KTN1: variants seen among roughly 807,000 people sequenced by gnomAD.
KTN1 encodes kinectin 1, also known as kinectin.
In KTN1, 130 loss-of-function variants were observed where a neutral mutation model predicts 222.5. The ratio of observed to expected loss-of-function variants is 0.58; its 90% CI spans 0.51 to 0.68. KTN1 has a LOEUF of 0.68. Ranked by LOEUF, KTN1 falls within the 30% of genes least tolerant of loss-of-function variation. The pLI, the probability that KTN1 is intolerant of heterozygous loss-of-function variation, is 0.00. For synonymous variants in KTN1, 512 were observed against 496.3 expected (o/e 1.03, Z -0.42); for missense variants, 1,508 against 1,500.4 (o/e 1.01, Z -0.08).
At chr14:55,587,149 T>A (rs1178919330) in intron 1 of KTN1, among the ~76,000 whole-genome samples, 1 of 152,162 alleles carries the variant, frequency 6.6e-6, no homozygotes, top group African/African-American at 2.4e-5. Context: ...ACCTAGCTAG[T>A]GCTCAATTTG....
rs1224322296 is a variant in KTN1, at chr14:55,637,843, C to T, written c.1781C>T (p.Ala594Val). The change falls in exon 12 of 44, where the codon GCC becomes GTC. Residue 594 changes from alanine to valine, a missense_variant. Physicochemically the swap from Ala to Val is moderately conservative, Grantham distance 64 (BLOSUM62 0). Transcript: ENST00000395314. ...QIQQFHSQIA[A>V]QTSASVLAEE... Reference sequence around the variant, plus strand: ...CAGCAGTTCCATTCCCAGATAGCAGCCCAGGTAATGATGCTTTCTTATTGC... The same window carrying T: ...CAGCAGTTCCATTCCCAGATAGCAGTCCAGGTAATGATGCTTTCTTATTGC... 1 of 1,608,990 alleles carries T rather than the reference C, an allele frequency of 6.2e-7. No homozygotes were observed.
intron 1 of KTN1, among the ~76,000 whole-genome samples, chr14:55,599,267 T>C (rs545835360): frequency 3.3e-5 from 5 of 152,330 alleles, no homozygotes; most frequent in Middle Eastern, 3.4e-3. Flanking sequence ...CATTCTGTTA[T>C]CAGTTTTTTG....
chr14:55,590,368 A>G (rs1418402025), intron 1 of KTN1, among the ~76,000 whole-genome samples: 1 of 152,224 alleles, frequency 6.6e-6, no homozygotes, highest in Non-Finnish European at 1.5e-5. Context: ...CCTTTCTCTC[A>G]GCTTTAAATT....
Position 55,601,659 on chromosome 14 carries a change from A to G in KTN1, c.-30-10360A>G, listed in dbSNP as rs551958110. 3 of 152,320 alleles carry G rather than the reference A, an allele frequency of 2.0e-5. No individual in the cohort carries two copies. The South Asian group carries it at 6.2e-4, about 32-fold the overall frequency. 9.4% of individuals were successfully genotyped at this position (152,320 alleles called of 1,614,324 possible). A position where few individuals can be genotyped will look rare whatever the true frequency, so the allele number is the denominator to read the frequency against. ...TTTATTTTTAAAAATTCTTACTGCA[A>G]ATGGAATATACTTACAAACATTTAA... On this transcript the variant is annotated intron_variant, in intron 1 of 43. Transcript: ENST00000395314.
At chr14:55,598,911 G>A (rs1447432588) in intron 1 of KTN1, among the ~76,000 whole-genome samples, 1 of 152,130 alleles carries the variant, frequency 6.6e-6, no homozygotes, top group Non-Finnish European at 1.5e-5. Flanking sequence ...CAGCCACTGT[G>A]TTTCTTTGTT....
chr14:55,672,864 C>T, intron 38 of KTN1, 65 bp from the exon 39 acceptor site: 2 of 1,329,510 alleles, frequency 1.5e-6, no homozygotes, highest in Admixed American at 3.4e-5. Context: ...ATAATTTTGT[C>T]TTGTGGGGAA....
At chr14:55,655,801 T>C (rs1203248463) in intron 28 of KTN1, among the ~76,000 whole-genome samples, 1 of 152,250 alleles carries the variant, frequency 6.6e-6, no homozygotes, top group Non-Finnish European at 1.5e-5. Context: ...GTTTTGTTCT[T>C]AGTTTTTGTT....
chr14:55,580,236 G>T lies in KTN1; in HGVS notation c.-149G>T, dbSNP rs1276955637. ...CCGCCCGTTTCCTGCCGAGCGGCGCGACGGCACCTGAGCGACTGCGGCGGC... is the reference window on the plus strand; with the variant it reads ...CCGCCCGTTTCCTGCCGAGCGGCGCTACGGCACCTGAGCGACTGCGGCGGC... On this transcript the variant is annotated 5_prime_UTR_variant, in exon 1 of 44. Transcript: ENST00000395314. 2 of 150,332 alleles carry T rather than the reference G, an allele frequency of 1.3e-5. No homozygotes were observed. Among genetic ancestry groups the T allele is most frequent in the South Asian group, 3.8e-4 (2 of 5,282 alleles). 9.3% of individuals were successfully genotyped at this position (150,332 alleles called of 1,614,324 possible).
chr14:55,600,091 T>C (rs1206350026), intron 1 of KTN1, among the ~76,000 whole-genome samples: 1 of 150,634 alleles, frequency 6.6e-6, no homozygotes, highest in African/African-American at 2.4e-5. Flanking sequence ...ATGTTCAGTT[T>C]GTGAGATGTT....
At chr14:55,609,501 A>G (rs1185691951) in intron 1 of KTN1, among the ~76,000 whole-genome samples, 1 of 152,158 alleles carries the variant, frequency 6.6e-6, no homozygotes, top group African/African-American at 2.4e-5. Flanking sequence ...TGATTCCTTC[A>G]CGCCTATATA....
At chr14:55,590,998 A>G (rs970787628) in intron 1 of KTN1, among the ~76,000 whole-genome samples, 2 of 152,140 alleles carry the variant, frequency 1.3e-5, no homozygotes, top group African/African-American at 4.8e-5. Flanking sequence ...ACCATGTTGT[A>G]TGTAGCTCTA....
chr14:55,655,040 G>C (rs926640467), intron 28 of KTN1, among the ~76,000 whole-genome samples: 3 of 152,026 alleles, frequency 2.0e-5, no homozygotes, highest in Non-Finnish European at 2.9e-5. Flanking sequence ...AGTACATGGA[G>C]TGCAGGGCTG....
chr14:55,679,586 ATGTC>A lies in KTN1; in HGVS notation c.3974_3977del (p.Ser1325Ter). ...TTAGGAGTCTTCTGAGAAGGAGACA[ATGTC>A]TGTAAGTCTAAATCAGACTGTAACA... On this transcript the variant is annotated frameshift_variant, in exon 43 of 44. Transcript: ENST00000395314. LOFTEE classifies it high-confidence loss of function. 1 of 1,611,286 alleles carries A rather than the reference ATGTC, an allele frequency of 6.2e-7. No individual in the cohort carries two copies. Among genetic ancestry groups the A allele is most frequent in the Non-Finnish European group, 8.5e-7 (1 of 1,177,738 alleles).
At chr14:55,614,085 C>T (rs990701359) in intron 2 of KTN1, among the ~76,000 whole-genome samples, 3 of 152,120 alleles carry the variant, frequency 2.0e-5, no homozygotes, top group East Asian at 1.9e-4. Flanking sequence ...AGCCATACAA[C>T]GTGAGGTATA....
chr14:55,592,707 T>C (rs1292617904), intron 1 of KTN1, among the ~76,000 whole-genome samples: 1 of 152,234 alleles, frequency 6.6e-6, no homozygotes, highest in Admixed American at 6.5e-5. Flanking sequence ...TTTGTAAATA[T>C]TTCACAGTGA....
chr14:55,652,073 A>C (rs2042978041), intron 25 of KTN1, 146 bp downstream of exon 25: 1 of 580,324 alleles, frequency 1.7e-6, no homozygotes, highest in African/African-American at 1.9e-5. Context: ...AAGGGCCCTA[A>C]GTTTCTTATT....
intron 43 of KTN1, chr14:55,682,567 A>G (rs1041135162): frequency 1.3e-5 from 2 of 152,190 alleles, no homozygotes; most frequent in African/African-American, 4.8e-5. Flanking sequence ...CTTCATGAGT[A>G]TGCCTGTTAG....
At position 55,653,072 on chromosome 14, in the gene KTN1, A is replaced by T. The variant is rs1266384221; in HGVS notation, c.2750A>T (p.His917Leu). The T allele has an allele frequency of 1.3e-6, 2 of 1,592,978 alleles. No homozygotes were observed. Among genetic ancestry groups the T allele is most frequent in the East Asian group, 4.5e-5 (2 of 44,648 alleles). Reference sequence around the variant, plus strand: ...GCACATGTTCAGGAAGTAGCACAACATAACTTGAAAGAGGTATAGTATAAA... The same window carrying T: ...GCACATGTTCAGGAAGTAGCACAACTTAACTTGAAAGAGGTATAGTATAAA... ...LKAHVQEVAQ[H>L]NLKEASSASQ... Residue 917 changes from histidine (H) to leucine (L), a missense_variant, in exon 27 of 44, where the codon CAT becomes CTT. Transcript: ENST00000395314.
intron 41 of KTN1, among the ~76,000 whole-genome samples, chr14:55,677,347 C>T (rs971427228): frequency 2.0e-5 from 3 of 151,660 alleles, no homozygotes; most frequent in African/African-American, 4.8e-5. Context: ...TGTGGTGGTG[C>T]GCACCTGCAG....
Sources: allele counts gnomAD v4.1 joint callset (sites outside exome capture counted in the v4.1 genomes callset), GRCh38; gene constraint gnomAD v4.1.1; transcripts MANE v1.5; gene names NCBI Gene and HGNC (gene_info 2026-07-23, HGNC 2026-07-21).